NRG3: variants seen among roughly 807,000 people sequenced by gnomAD.
The protein encoded by NRG3 is neuregulin 3.
NRG3 carries 31 observed loss-of-function variants against 66.9 expected under a neutral mutation model. The ratio of observed to expected loss-of-function variants is 0.46; its 90% CI spans 0.35 to 0.63. The LOEUF is 0.63. Ranked by LOEUF, NRG3 falls within the 20% of genes least tolerant of loss-of-function variation. The probability of loss-of-function intolerance (pLI) is 0.00; values close to 1 mark genes in which losing one functional copy is unlikely to be tolerated. For synonymous variants in NRG3, 393 were observed against 359.4 expected (o/e 1.09, Z -1.06); for missense variants, 910 against 878.9 (o/e 1.04, Z -0.45).
At chr10:82,635,474 T>C (rs184953518) in intron 2 of NRG3, among the ~76,000 whole-genome samples, 1 of 152,076 alleles carries the variant, frequency 6.6e-6, no homozygotes, top group Admixed American at 6.6e-5. Context: ...TATTCCTGTC[T>C]TCTGAGGGTG....
intron 1 of NRG3, among the ~76,000 whole-genome samples, chr10:81,963,410 G>A (rs547307127): frequency 6.7e-6 from 1 of 150,372 alleles, no homozygotes; most frequent in Admixed American, 6.6e-5. Context: ...TGGGATTACA[G>A]GCGTGAGCCA....
chr10:82,586,780 T>A (rs2046697106), intron 2 of NRG3, among the ~76,000 whole-genome samples: 1 of 152,350 alleles, frequency 6.6e-6, no homozygotes, highest in African/African-American at 2.4e-5. Context: ...ACATATTTTT[T>A]AAAATGTGGA....
intron 1 of NRG3, among the ~76,000 whole-genome samples, chr10:82,038,703 G>C (rs1305094053): frequency 2.0e-5 from 3 of 152,106 alleles, no homozygotes; most frequent in African/African-American, 7.2e-5. Context: ...CAGTGACCCA[G>C]CCTCATTCAT....
intron 1 of NRG3, among the ~76,000 whole-genome samples, chr10:82,050,958 G>A (rs2063564066): frequency 6.6e-6 from 1 of 152,026 alleles, no homozygotes; most frequent in African/African-American, 2.4e-5. Context: ...ACTTTAGAGG[G>A]AATTTATATT....
chr10:82,033,251 T>C (rs1434326854), intron 1 of NRG3, among the ~76,000 whole-genome samples: 1 of 152,172 alleles, frequency 6.6e-6, no homozygotes, highest in Non-Finnish European at 1.5e-5. Flanking sequence ...AATGGCTCAA[T>C]GCAAGGTTGG....
intron 2 of NRG3, among the ~76,000 whole-genome samples, chr10:82,359,366 T>C (rs891838904): frequency 1.3e-5 from 2 of 152,192 alleles, no homozygotes; most frequent in African/African-American, 4.8e-5. Flanking sequence ...TTTATTAATT[T>C]CAGTACTTTT....
At chr10:81,914,459 G>A (rs141196051) in intron 1 of NRG3, among the ~76,000 whole-genome samples, 343 of 152,208 alleles carry the variant, frequency 2.3e-3, no homozygotes, top group African/African-American at 7.1e-3. Flanking sequence ...TTGGCCAGGC[G>A]CAGTGGCTCA....
intron 1 of NRG3, among the ~76,000 whole-genome samples, chr10:81,966,668 G>T (rs2059741318): frequency 6.6e-6 from 1 of 152,028 alleles, no homozygotes; most frequent in Non-Finnish European, 1.5e-5. Context: ...CATGAAGTCT[G>T]ATAGGGTCTA....
chr10:82,820,533 C>G (rs2061906176), intron 3 of NRG3, among the ~76,000 whole-genome samples: 1 of 152,146 alleles, frequency 6.6e-6, no homozygotes, highest in African/African-American at 2.4e-5. Flanking sequence ...CTCAGAGCAT[C>G]TCTAGCAAGA....
At chr10:82,883,513 G>A (rs1434696219) in intron 4 of NRG3, among the ~76,000 whole-genome samples, 1 of 151,970 alleles carries the variant, frequency 6.6e-6, no homozygotes. Flanking sequence ...TGTAAGACAG[G>A]GCTAATAATA....
intron 3 of NRG3, among the ~76,000 whole-genome samples, chr10:82,809,671 CA>C (rs2061417240): frequency 6.6e-6 from 1 of 152,042 alleles, no homozygotes; most frequent in Non-Finnish European, 1.5e-5. Context: ...AATTTACTTT[CA>C]GGGTTCATTT....
At chr10:81,877,897 A>C in intron 1 of NRG3, 3 of 1,535,024 alleles carry the variant, frequency 2.0e-6, no homozygotes, top group Non-Finnish European at 1.7e-6. Flanking sequence ...CAATGGATTG[A>C]AAATGAGTCT....
At chr10:81,944,876 C>T (rs1160526069) in intron 1 of NRG3, among the ~76,000 whole-genome samples, 2 of 152,234 alleles carry the variant, frequency 1.3e-5, no homozygotes, top group African/African-American at 4.8e-5. Context: ...AAGGCAAAAT[C>T]CCTCAGTCTG....
chr10:82,374,602 A>T (rs1287483646), intron 2 of NRG3, among the ~76,000 whole-genome samples: 6 of 152,196 alleles, frequency 3.9e-5, no homozygotes, highest in African/African-American at 1.4e-4. Context: ...GTGGGGATCA[A>T]CTGCAGATTA....
intron 1 of NRG3, among the ~76,000 whole-genome samples, chr10:81,885,914 T>C (rs950736516): frequency 6.6e-6 from 1 of 152,160 alleles, no homozygotes; most frequent in African/African-American, 2.4e-5. Context: ...AAAAATGGGC[T>C]GTAGAAATGT....
rs1591114846 is a variant in NRG3 at position 82,673,501 on chromosome 10, G to A, written c.954-65076G>A. Among the ~76,000 whole-genome samples, 4 of 152,276 alleles carry A rather than the reference G, an allele frequency of 2.6e-5. No individual in the cohort carries two copies. In the East Asian group the frequency reaches 7.7e-4, roughly 29 times the overall value. On this transcript the variant is annotated intron_variant, in intron 2 of 8. Coordinates refer to ENST00000372141, the MANE Select transcript of NRG3 (RefSeq NM_001010848.4). ...TCTAAGAACCTATTGATGACATTAA[G>A]TAAAGACTTACTGTATTTGGAATTA...
At chr10:81,988,079 A>G (rs1564715334) in intron 1 of NRG3, among the ~76,000 whole-genome samples, 1 of 152,208 alleles carries the variant, frequency 6.6e-6, no homozygotes, top group Non-Finnish European at 1.5e-5. Flanking sequence ...AACTAGGAAA[A>G]CAAAGAAAAA....
intron 3 of NRG3, among the ~76,000 whole-genome samples, chr10:82,836,587 T>C (rs531097319): frequency 6.1e-4 from 93 of 152,294 alleles, no homozygotes; most frequent in Non-Finnish European, 8.8e-4. Context: ...TTTTTTTTAA[T>C]TATTTCTATA....
chr10:82,666,805 A>G (rs1438898246), intron 2 of NRG3, among the ~76,000 whole-genome samples: 1 of 152,238 alleles, frequency 6.6e-6, no homozygotes, highest in Non-Finnish European at 1.5e-5. Context: ...GGTAATCTGA[A>G]AATAGAACAC....
Sources: allele counts gnomAD v4.1 joint callset (sites outside exome capture counted in the v4.1 genomes callset), GRCh38; gene constraint gnomAD v4.1.1; transcripts MANE v1.5; gene names NCBI Gene and HGNC (gene_info 2026-07-23, HGNC 2026-07-21).